HMCN1: variants seen among roughly 807,000 people sequenced by gnomAD.
The protein encoded by HMCN1 is hemicentin 1.
HMCN1 carries 321 observed loss-of-function variants against 625.9 expected under a neutral mutation model. The observed-to-expected ratio is 0.51, with a 90% CI of 0.47 to 0.56. The LOEUF (loss-of-function observed/expected upper bound fraction) is 0.56, where lower values mean the gene tolerates loss of function less well. Ranked by LOEUF, HMCN1 falls within the 20% of genes least tolerant of loss-of-function variation. The probability of loss-of-function intolerance (pLI) is 0.00; values close to 1 mark genes in which losing one functional copy is unlikely to be tolerated. For missense variants in HMCN1, 6,588 were observed against 6,887.3 expected, an observed-to-expected ratio of 0.96 and a Z score of 1.54; for synonymous variants, 2,425 against 2,417.6, an observed-to-expected ratio of 1.00 and a Z score of -0.09.
chr1:185,983,342 G>A (rs1448470504), intron 18 of HMCN1, among the ~76,000 whole-genome samples: 2 of 151,876 alleles, frequency 1.3e-5, no homozygotes, highest in African/African-American at 4.8e-5. Flanking sequence ...AAGTGAATAT[G>A]CTGAACCCAG....
At position 185,836,729 on chromosome 1, in the gene HMCN1, C is replaced by T. The variant is rs974860771; in HGVS notation, c.269-9297C>T. On this transcript the variant is annotated intron_variant, in intron 1 of 106. Transcript: ENST00000271588. ...TGGGTGTACAGATTATTTCATCACC[C>T]GGGTGATAAGCATAGTACCCAACAG... is the stretch of plus-strand genomic sequence containing the variant. 9.2e-5 allele frequency among the ~76,000 whole-genome samples: 14 copies of T among 151,956 alleles called. 1 individual carries two copies. The highest frequency in any genetic ancestry group is 3.1e-4 in the African/African-American group (13 of 41,364).
chr1:185,933,464 A>C, intron 10 of HMCN1, 85 bp from the exon 11 acceptor site: 1 of 1,312,966 alleles, frequency 7.6e-7, no homozygotes, highest in East Asian at 2.3e-5. Context: ...TGTTCAGTAC[A>C]TACTTATTCA....
chr1:185,947,835 GA>G (rs1668423562), intron 11 of HMCN1, among the ~76,000 whole-genome samples: 1 of 151,880 alleles, frequency 6.6e-6, no homozygotes, highest in Admixed American at 6.6e-5. Flanking sequence ...AAAGTTATGT[GA>G]ACAAGCACAT....
intron 100 of HMCN1, among the ~76,000 whole-genome samples, chr1:186,167,965 A>T (rs1211877747): frequency 6.6e-6 from 1 of 152,092 alleles, no homozygotes; most frequent in Non-Finnish European, 1.5e-5. Context: ...AAGACAGTGG[A>T]TCCAAAACTG....
chr1:185,799,561 T>C (rs965294844), intron 1 of HMCN1, among the ~76,000 whole-genome samples: 4 of 151,872 alleles, frequency 2.6e-5, no homozygotes, highest in Non-Finnish European at 5.9e-5. Flanking sequence ...TTTCCTAGGT[T>C]ATGAATACCC....
chr1:186,134,315 T>C (rs893354076), intron 86 of HMCN1, among the ~76,000 whole-genome samples: 5 of 152,134 alleles, frequency 3.3e-5, no homozygotes, highest in Admixed American at 3.3e-4. Context: ...AGGTTCTGAG[T>C]TTATTTGATA....
In HMCN1 at chr1:185,758,731, T is replaced by G. The variant is rs115211258; in HGVS notation, c.268+23684T>G. On this transcript the variant is annotated intron_variant, in intron 1 of 106. Transcript: ENST00000271588. The stretch of plus-strand genomic sequence containing the variant: ...TTTCTTCTTCCTTCTTTTCCTCATA[T>G]TTTTCTTCCTCTTTCCATTCTTTTT... 7.3e-3 allele frequency among the ~76,000 whole-genome samples: 1,116 copies of G among 152,300 alleles called. 9 individuals carry two copies. The highest frequency in any genetic ancestry group is 0.027 in the Middle Eastern group (8 of 294).
intron 2 of HMCN1, among the ~76,000 whole-genome samples, chr1:185,849,277 T>C (rs1268338090): frequency 6.6e-6 from 1 of 152,164 alleles, no homozygotes; most frequent in African/African-American, 2.4e-5. Flanking sequence ...CAGTCTGCCC[T>C]CATTTCCACA....
Position 186,016,208 on chromosome 1 carries a change from A to C in HMCN1, c.5160A>C (p.Glu1720Asp), listed in dbSNP as rs914773846. The C allele has an allele frequency of 3.1e-6, 5 of 1,613,150 alleles. No homozygotes were observed. In the Admixed American group the frequency reaches 6.7e-5, roughly 22 times the overall value. ...GCGTGGCTACCAGTGTGGCAGGAGA[A>C]AAGGAAATCAAATATGAAGTTGATG... ...YICVATSVAGEKEIKYEVDVL... is the reference protein window; with the variant it reads ...YICVATSVAGDKEIKYEVDVL... The change falls in exon 32 of 107, where the codon GAA becomes GAC. Residue 1720 changes from glutamate (E) to aspartate (D), a missense_variant. This residue lies in a region of HMCN1 where 4,628 missense variants were observed against 4,853.1 expected (regional missense o/e 0.95). Coordinates refer to ENST00000271588, the MANE Select transcript of HMCN1 (RefSeq NM_031935.3).
chr1:185,847,915 T>C (rs1412394422), intron 2 of HMCN1, among the ~76,000 whole-genome samples: 1 of 151,954 alleles, frequency 6.6e-6, no homozygotes. Context: ...ATGATACTAC[T>C]ACACTACAGT....
chr1:185,832,830 A>G (rs955704304), intron 1 of HMCN1, among the ~76,000 whole-genome samples: 14 of 152,214 alleles, frequency 9.2e-5, no homozygotes, highest in Admixed American at 8.5e-4. Context: ...TTCAAACTGG[A>G]GGAAAGTTTT....
At chr1:185,803,223 A>AAAAAAAAAAAAAAAAAAC (rs1658932852) in intron 1 of HMCN1, among the ~76,000 whole-genome samples, 1 of 146,366 alleles carries the variant, frequency 6.8e-6, no homozygotes, top group African/African-American at 2.6e-5. Flanking sequence ...AAAAAAAAAA[A>AAAAAAAAAAAAAAAAAAC]CAAAACAAGG....
At chr1:186,079,217 T>C (rs915431968) in intron 55 of HMCN1, among the ~76,000 whole-genome samples, 1 of 152,278 alleles carries the variant, frequency 6.6e-6, no homozygotes, top group Admixed American at 6.5e-5. Flanking sequence ...GTGGCTCCTC[T>C]CAGCAGCCGG....
chr1:185,856,382 C>T (rs1204748112), intron 2 of HMCN1, among the ~76,000 whole-genome samples: 2 of 150,812 alleles, frequency 1.3e-5, no homozygotes, highest in Non-Finnish European at 2.9e-5. Context: ...CCCAGCTACT[C>T]GGGAGGCTGA....
At chr1:185,996,592 G>A (rs543435401) in intron 24 of HMCN1, among the ~76,000 whole-genome samples, 6 of 152,168 alleles carry the variant, frequency 3.9e-5, no homozygotes, top group South Asian at 4.2e-4. Flanking sequence ...GGAATCATTC[G>A]GCTAGAGAAG....
intron 11 of HMCN1, among the ~76,000 whole-genome samples, chr1:185,961,873 G>A (rs557417801): frequency 6.6e-6 from 1 of 152,218 alleles, no homozygotes; most frequent in African/African-American, 2.4e-5. Context: ...CAGTGTAGCA[G>A]GATCTTGGGA....
intron 98 of HMCN1, among the ~76,000 whole-genome samples, chr1:186,165,625 A>G (rs1347247212): frequency 6.6e-6 from 1 of 152,240 alleles, no homozygotes; most frequent in Non-Finnish European, 1.5e-5. Context: ...CCAAAGTACC[A>G]GCACAAGAGA....
At chr1:186,052,798 C>T (rs1463674521) in intron 42 of HMCN1, among the ~76,000 whole-genome samples, 154 bp from the exon 43 acceptor site, 1 of 151,980 alleles carries the variant, frequency 6.6e-6, no homozygotes, top group African/African-American at 2.4e-5. Context: ...TATGCTACAT[C>T]TTACAGGTGA....
chr1:185,997,623 A>C, intron 25 of HMCN1, 99 bp downstream of exon 25: 1 of 826,364 alleles, frequency 1.2e-6, no homozygotes, highest in Non-Finnish European at 2.1e-6. Context: ...TTCCACATCA[A>C]TCCTTGGTAG....
Sources: gnomAD v4.1 joint callset for allele counts (sites outside exome capture counted in the v4.1 genomes callset) on GRCh38, gnomAD v4.1.1 for gene constraint, gnomAD v4.1.1 regional missense constraint, MANE v1.5 for transcripts, NCBI Gene and HGNC (gene_info 2026-07-23, HGNC 2026-07-21) for gene names.